HAVCR1: variants seen among roughly 807,000 people sequenced by gnomAD.
HAVCR1 encodes T cell immunoglobin domain and mucin domain protein 1.
Under a neutral mutation model 32.0 loss-of-function variants are expected in HAVCR1, and 34 were observed. That is an observed-to-expected ratio of 1.06 (90% confidence interval 0.81 to 1.42). The LOEUF (loss-of-function observed/expected upper bound fraction) is 1.42. HAVCR1 is among the 40% of genes most tolerant of loss of function. The pLI is 0.00. For missense variants in HAVCR1, 420 were observed against 442.3 expected (o/e 0.95, Z 0.45); for synonymous variants, 178 against 170.3 (o/e 1.05, Z -0.35).
At chr5:157,044,682 G>GAGGGAGGC (rs1755265270) in intron 5 of HAVCR1, among the ~76,000 whole-genome samples, 1 of 107,186 alleles carries the variant, frequency 9.3e-6, no homozygotes, top group Non-Finnish European at 2.0e-5. Flanking sequence ...AGAAAGGAGG[G>GAGGGAGGC]AGGGAGGAAG....
upstream of HAVCR1, among the ~76,000 whole-genome samples, chr5:157,062,326 T>A (rs1756507104): frequency 1.3e-5 from 2 of 152,078 alleles, no homozygotes; most frequent in African/African-American, 2.4e-5. Context: ...TGAGCTGAGA[T>A]CGTGCCACTG....
At chr5:157,036,489 C>A (rs552936053) in intron 7 of HAVCR1, among the ~76,000 whole-genome samples, 4 of 151,992 alleles carry the variant, frequency 2.6e-5, no homozygotes, top group Non-Finnish European at 4.4e-5. Context: ...CAAAAAAATT[C>A]TTATAGAATT....
chr5:157,040,769 G>C (rs1754843206), intron 6 of HAVCR1, among the ~76,000 whole-genome samples: 1 of 151,882 alleles, frequency 6.6e-6, no homozygotes, highest in African/African-American at 2.4e-5. Context: ...GCATGGTGGT[G>C]GGCGCCTATA....
chr5:157,065,208 A>C, the HAVCR1 span, among the ~76,000 whole-genome samples: 1 of 151,924 alleles, frequency 6.6e-6, no homozygotes, highest in Non-Finnish European at 1.5e-5. Context: ...AGTCCCAGCT[A>C]CTCGGGAGGC....
intron 8 of HAVCR1, among the ~76,000 whole-genome samples, chr5:157,031,777 T>C (rs566199122): frequency 1.5e-5 from 2 of 137,574 alleles, no homozygotes; most frequent in South Asian, 4.7e-4. Context: ...CACCATTGCA[T>C]TCCAGCCTGG....
At chr5:157,032,248 G>T (rs1011857970) in intron 8 of HAVCR1, among the ~76,000 whole-genome samples, 1 of 152,178 alleles carries the variant, frequency 6.6e-6, no homozygotes, top group Non-Finnish European at 1.5e-5. Context: ...GCCGGGCGCG[G>T]TGGCTCATGT....
intron 5 of HAVCR1, among the ~76,000 whole-genome samples, chr5:157,043,546 G>A (rs1378961348): frequency 6.6e-6 from 1 of 152,170 alleles, no homozygotes; most frequent in East Asian, 1.9e-4. Flanking sequence ...GCACATGCCT[G>A]TAGACTTAGC....
chr5:157,053,860 ACT>A (rs1449397398), intron 3 of HAVCR1, among the ~76,000 whole-genome samples: 2 of 149,456 alleles, frequency 1.3e-5, no homozygotes, highest in African/African-American at 5.0e-5. Context: ...ACAGAGAAAG[ACT>A]CTGTCTCAAA....
In HAVCR1 at chr5:157,055,486, CAGAT is replaced by C; in HGVS notation, c.90_93del (p.Val32HisfsTer58). 6.2e-7 allele frequency: 1 copy of C among 1,603,138 alleles called. No individual in the cohort carries two copies. Among genetic ancestry groups the C allele is most frequent in the Non-Finnish European group, 8.5e-7 (1 of 1,172,824 alleles). ...CCACTGTAGTGGCAGGGTAGTGTGA[CAGAT>C]GGACCTGCCTCTCCACCAACCTTTA... On this transcript the variant is annotated frameshift_variant, in exon 3 of 9. Coordinates refer to ENST00000523175, the MANE Select transcript of HAVCR1 (RefSeq NM_001173393.3). LOFTEE classifies it high-confidence loss of function.
In HAVCR1 at chr5:157,041,332, T is replaced by A. The variant is rs35153980; in HGVS notation, c.837+1295A>T. ...GGTAAACATGATGAAACCTCATCTC[T>A]ACTAAAAACACAAAAATTATCCAGG... On this transcript the variant is annotated intron_variant, in intron 6 of 8. Coordinates refer to ENST00000523175, the MANE Select transcript of HAVCR1 (RefSeq NM_001173393.3). Among the ~76,000 whole-genome samples the A allele has an allele frequency of 6.9e-3, 1,051 of 152,122 alleles. 3 individuals are homozygous for A. The highest frequency in any genetic ancestry group is 0.011 in the Non-Finnish European group (748 of 68,000).
chr5:157,033,075 G>A (rs1290535781), intron 7 of HAVCR1, among the ~76,000 whole-genome samples, 188 bp from the exon 8 acceptor site: 1 of 152,040 alleles, frequency 6.6e-6, no homozygotes, highest in African/African-American at 2.4e-5. Flanking sequence ...TTACTGTCCA[G>A]TATCTCAATT....
At chr5:157,046,077 G>A (rs941078078) in intron 5 of HAVCR1, among the ~76,000 whole-genome samples, 2 of 152,190 alleles carry the variant, frequency 1.3e-5, no homozygotes, top group African/African-American at 4.8e-5. Flanking sequence ...AAAACGAAAT[G>A]TCGCCATTAT....
intron 6 of HAVCR1, among the ~76,000 whole-genome samples, chr5:157,041,054 T>C (rs1280535285): frequency 6.6e-6 from 1 of 152,190 alleles, no homozygotes; most frequent in South Asian, 2.1e-4. Flanking sequence ...AAGATCTTAT[T>C]AGTAAATCTA....
At chr5:157,062,372 C>CA (rs1264651561), upstream of HAVCR1, among the ~76,000 whole-genome samples, 14 of 151,770 alleles carry the variant, frequency 9.2e-5, no homozygotes, top group South Asian at 4.2e-4. Context: ...CACCCTGTCT[C>CA]AAAAAAAAGA....
rs1755691237 is a variant in HAVCR1 at position 157,050,766 on chromosome 5, TG to T, written c.673+1594del. On this transcript the variant is annotated intron_variant, in intron 4 of 8. Transcript: ENST00000523175. ...TAACAGACTCTCTAGTGTGTGCGGC[TG>T]CCTGGAACAAAACTGTTTTTCTTAC... is the stretch of plus-strand genomic sequence containing the variant. 3.9e-5 allele frequency among the ~76,000 whole-genome samples: 6 copies of T among 152,348 alleles called. No individual in the cohort carries two copies. In the South Asian group the frequency reaches 1.2e-3, roughly 32 times the overall value.
chr5:157,064,066 C>T (rs1012189446), upstream of HAVCR1, among the ~76,000 whole-genome samples: 4 of 152,252 alleles, frequency 2.6e-5, no homozygotes, highest in African/African-American at 9.6e-5. Flanking sequence ...AAAGAAGCAC[C>T]ACTGCAAGGG....
intron 6 of HAVCR1, among the ~76,000 whole-genome samples, chr5:157,039,739 G>T (rs1000796106): frequency 6.6e-6 from 1 of 152,156 alleles, no homozygotes; most frequent in Non-Finnish European, 1.5e-5. Flanking sequence ...ATATTTTCAT[G>T]ATTATAAGTG....
rs1755778768 is a variant in HAVCR1, at chr5:157,052,226, A to G, written c.673+135T>C. ...ACTTGGGAGTTGGGGAGGATCACAA[A>G]CCCTGAGGAGACCCTGATTGAAACC... is the stretch of plus-strand genomic sequence containing the variant. On this transcript the variant is annotated intron_variant, in intron 4 of 8. Coordinates refer to ENST00000523175, the MANE Select transcript of HAVCR1 (RefSeq NM_001173393.3). 5.4e-6 allele frequency: 4 copies of G among 742,934 alleles called. No homozygotes were observed. In the East Asian group the frequency reaches 1.0e-4, roughly 19 times the overall value. The allele number at this position is 742,934 out of a possible 1,614,324, so 46.0% of individuals were successfully genotyped here.
At chr5:157,044,420 GGA>G (rs1491293096) in intron 5 of HAVCR1, among the ~76,000 whole-genome samples, 715 of 32,092 alleles carry the variant, frequency 0.022, 16 homozygotes, top group African/African-American at 0.029. Context: ...AAGGAAGGAA[GGA>G]GAAAGAAAGA....
Sources: gnomAD v4.1 joint callset for allele counts (sites outside exome capture counted in the v4.1 genomes callset) on GRCh38, gnomAD v4.1.1 for gene constraint, MANE v1.5 for transcripts, NCBI Gene and HGNC (gene_info 2026-07-23, HGNC 2026-07-21) for gene names.